The following ZNF585A variants were observed in gnomAD, a reference collection of about 807,000 sequenced individuals.
The protein encoded by ZNF585A is zinc finger protein 585A.
ZNF585A carries 9 observed loss-of-function variants against 14.9 expected under a neutral mutation model. The observed-to-expected ratio is 0.60, with a 90% CI of 0.36 to 1.05. ZNF585A has a LOEUF of 1.05. ZNF585A is among the 50% of genes least tolerant of loss of function. The probability of loss-of-function intolerance (pLI) is 0.01; values close to 1 mark genes in which losing one functional copy is unlikely to be tolerated. For synonymous variants in ZNF585A, 276 were observed against 319.9 expected (o/e 0.86, Z 1.46); for missense variants, 726 against 926.4 (o/e 0.78, Z 2.81).
In ZNF585A at chr19:37,150,924, G is replaced by C. The variant is rs550994821; in HGVS notation, c.*665C>G. Reference sequence around the variant, plus strand: ...GTGCTGAGGGCCCGTGAGGCTGAGAGACAGTCATGGTAGATAATGAGGGGG... The same window carrying C: ...GTGCTGAGGGCCCGTGAGGCTGAGACACAGTCATGGTAGATAATGAGGGGG... On this transcript the variant is annotated 3_prime_UTR_variant, in exon 5 of 5. Coordinates refer to ENST00000292841, the MANE Select transcript of ZNF585A (RefSeq NM_001288800.2). 6.4e-6 allele frequency: 1 copy of C among 156,118 alleles called. No individual in the cohort carries two copies. Among genetic ancestry groups the C allele is most frequent in the East Asian group, 1.9e-4 (1 of 5,216 alleles). 9.7% of individuals were successfully genotyped at this position (156,118 alleles called of 1,614,324 possible).
At chr19:37,172,371 A>G (rs1404696312) in intron 1 of ZNF585A, 1 of 152,212 alleles carries the variant, frequency 6.6e-6, no homozygotes, top group Non-Finnish European at 1.5e-5. Flanking sequence ...CAAGCTGATT[A>G]CAGTCCTCAC....
At chr19:37,154,158 A>T (rs1208107375) in intron 4 of ZNF585A, among the ~76,000 whole-genome samples, 1 of 152,252 alleles carries the variant, frequency 6.6e-6, no homozygotes, top group Non-Finnish European at 1.5e-5. Flanking sequence ...AGAGGAAGGC[A>T]GTAACAATGT....
rs143272721 is a variant in ZNF585A, at chr19:37,152,467, G to A, written c.1432C>T (p.Arg478Trp). Residue 478 changes from arginine to tryptophan, a missense_variant, in exon 5 of 5, where the codon CGG becomes TGG. Arg to Trp is a moderately radical substitution (Grantham distance 101, BLOSUM62 -3). Around this residue, in one of 2 missense-constraint regions of ZNF585A, gnomAD observed 243 missense variants for 383.6 expected, o/e 0.63. Coordinates refer to ENST00000292841, the MANE Select transcript of ZNF585A (RefSeq NM_001288800.2). ...CNKCGKAFTN[R>W]SNLITHQKTH... Reference sequence around the variant, plus strand: ...TTCTGATGTGTAATGAGATTTGACCGGTTGGTGAATGCCTTCCCACATTTA... The same window carrying A: ...TTCTGATGTGTAATGAGATTTGACCAGTTGGTGAATGCCTTCCCACATTTA... 258 of 1,613,806 alleles carry A rather than the reference G, an allele frequency of 1.6e-4. No individual in the cohort carries two copies. The African/African-American group carries it at 2.8e-3, about 17-fold the overall frequency.
intron 2 of ZNF585A, among the ~76,000 whole-genome samples, chr19:37,164,339 C>T: frequency 6.6e-6 from 1 of 151,724 alleles, no homozygotes; most frequent in East Asian, 1.9e-4. Flanking sequence ...GGAGGCGGAG[C>T]TTGCAGTGAG....
rs180800296 is a variant in ZNF585A at position 37,145,809 on chromosome 19, G to A, written c.*5780C>T. 6.6e-6 allele frequency: 1 copy of A among 152,286 alleles called. No homozygotes were observed. Among genetic ancestry groups the A allele is most frequent in the East Asian group, 1.9e-4 (1 of 5,182 alleles). 9.4% of individuals were successfully genotyped at this position (152,286 alleles called of 1,614,324 possible). ...GTTTATATAATACAAACACCTGAAG[G>A]TGGCAGAAACTAGCAGAGACAGAGG... is the stretch of plus-strand genomic sequence containing the variant. On this transcript the variant is annotated 3_prime_UTR_variant, in exon 5 of 5. Transcript: ENST00000292841.
At position 37,147,636 on chromosome 19, in the gene ZNF585A, C is replaced by A. The variant is rs1971760163; in HGVS notation, c.*3953G>T. ...TAAAATACAAACTATTTTATTGTCA[C>A]AAGGAATATACAGTAATAAATATTA... On this transcript the variant is annotated 3_prime_UTR_variant, in exon 5 of 5. Transcript: ENST00000292841. 1 of 151,946 alleles carries A rather than the reference C, an allele frequency of 6.6e-6. No individual in the cohort carries two copies. The highest frequency in any genetic ancestry group is 1.5e-5 in the Non-Finnish European group (1 of 67,994). The allele number at this position is 151,946 out of a possible 1,614,324, so 9.4% of individuals were successfully genotyped here.
intron 2 of ZNF585A, among the ~76,000 whole-genome samples, chr19:37,166,118 A>G (rs574401153): frequency 1.3e-5 from 2 of 152,114 alleles, no homozygotes; most frequent in East Asian, 3.9e-4. Context: ...GGTTCAAGCC[A>G]TTCTCCTGCC....
Position 37,149,581 on chromosome 19 carries a change from T to C in ZNF585A, c.*2008A>G, listed in dbSNP as rs1259439871. ...CAAAAAAAGTCACTTCATTCTCCCA[T>C]AATCCCATTTTACAAGTGAGAAAAT... On this transcript the variant is annotated 3_prime_UTR_variant, in exon 5 of 5. Coordinates refer to ENST00000292841, the MANE Select transcript of ZNF585A (RefSeq NM_001288800.2). The C allele has an allele frequency of 1.3e-5, 2 of 152,154 alleles. No individual in the cohort carries two copies. The highest frequency in any genetic ancestry group is 1.9e-4 in the East Asian group (1 of 5,182). The allele number at this position is 152,154 out of a possible 1,614,324, so 9.4% of individuals were successfully genotyped here. A position where few individuals can be genotyped will look rare whatever the true frequency, so the allele number is the denominator to read the frequency against.
At chr19:37,172,207 C>T (rs886776665) in intron 1 of ZNF585A, among the ~76,000 whole-genome samples, 9 of 152,122 alleles carry the variant, frequency 5.9e-5, no homozygotes, top group Admixed American at 2.0e-4. Flanking sequence ...ACAGACATTA[C>T]TTTAAAAAGG....
intron 2 of ZNF585A, among the ~76,000 whole-genome samples, chr19:37,158,666 C>T (rs1599750852): frequency 6.6e-6 from 1 of 152,258 alleles, no homozygotes; most frequent in East Asian, 1.9e-4. Context: ...TAGAGCCATA[C>T]TAACCAAAGG....
chr19:37,152,600 A>T lies in ZNF585A; in HGVS notation c.1299T>A (p.Thr433=), dbSNP rs1313885260. ...GACCACATTTATGAGGTTTCTCTCC[A>T]GTATGAATTATTTGATGTGCAATCA... ...AHLIAHQIIH[T]GEKPHKCGHC... The change falls in exon 5 of 5, where the codon ACT becomes ACA. Residue 433 remains threonine (T), a synonymous_variant. Transcript: ENST00000292841. The T allele has an allele frequency of 6.2e-7, 1 of 1,614,204 alleles. No individual in the cohort carries two copies. The highest frequency in any genetic ancestry group is 8.5e-7 in the Non-Finnish European group (1 of 1,180,040).
intron 2 of ZNF585A, 35 bp from the exon 3 acceptor site, chr19:37,156,390 C>T (rs557348633): frequency 9.3e-6 from 15 of 1,613,352 alleles, no homozygotes; most frequent in African/African-American, 5.3e-5. Context: ...TGTGCACAGT[C>T]AGCTTAGAGG....
At chr19:37,156,955 G>C (rs1371602337) in intron 2 of ZNF585A, among the ~76,000 whole-genome samples, 1 of 152,226 alleles carries the variant, frequency 6.6e-6, no homozygotes, top group Non-Finnish European at 1.5e-5. Context: ...GCCTCCCAAA[G>C]TGCTGGGATT....
intron 2 of ZNF585A, among the ~76,000 whole-genome samples, chr19:37,157,278 T>C (rs1971946578): frequency 6.6e-6 from 1 of 152,202 alleles, no homozygotes; most frequent in Admixed American, 6.6e-5. Context: ...AACTGGCAAT[T>C]GAAATAAGCT....
intron 2 of ZNF585A, among the ~76,000 whole-genome samples, chr19:37,159,248 CAA>C (rs768272181): frequency 4.9e-4 from 34 of 69,350 alleles, no homozygotes; most frequent in Admixed American, 3.6e-4. Context: ...GACTCCATCT[CAA>C]AAAAAAAAAA....
chr19:37,150,289 G>A lies in ZNF585A; in HGVS notation c.*1300C>T, dbSNP rs576016086. ...AGTTAGATACTGCTAGGTGAGTAAC[G>A]GGAGATAATTGTTCATCATCGTGAG... On this transcript the variant is annotated 3_prime_UTR_variant, in exon 5 of 5. Coordinates refer to ENST00000292841, the MANE Select transcript of ZNF585A (RefSeq NM_001288800.2). 15 of 152,184 alleles carry A rather than the reference G, an allele frequency of 9.9e-5. No individual in the cohort carries two copies. Among genetic ancestry groups the A allele is most frequent in the African/African-American group, 3.6e-4 (15 of 41,502 alleles). 9.4% of individuals were successfully genotyped at this position (152,184 alleles called of 1,614,324 possible). A position where few individuals can be genotyped will look rare whatever the true frequency, so the allele number is the denominator to read the frequency against.
chr19:37,158,267 A>G (rs930656139), intron 2 of ZNF585A, among the ~76,000 whole-genome samples: 11 of 152,200 alleles, frequency 7.2e-5, no homozygotes, highest in Non-Finnish European at 1.6e-4. Context: ...TATAACTACT[A>G]ATGAAATAAC....
intron 2 of ZNF585A, among the ~76,000 whole-genome samples, chr19:37,160,744 T>G (rs1364738354): frequency 6.6e-6 from 1 of 152,110 alleles, no homozygotes; most frequent in African/African-American, 2.4e-5. Context: ...ACTCAAACCT[T>G]TGAAAATGGA....
rs370652557 is a variant in ZNF585A at position 37,164,284 on chromosome 19, TC to T, written c.72+5554del. Among the ~76,000 whole-genome samples the T allele has an allele frequency of 1.3e-3, 205 of 152,086 alleles. 1 individual carries two copies. The highest frequency in any genetic ancestry group is 4.8e-3 in the African/African-American group (200 of 41,480). On this transcript the variant is annotated intron_variant, in intron 2 of 4. Coordinates refer to ENST00000292841, the MANE Select transcript of ZNF585A (RefSeq NM_001288800.2). ...AGGGCGTGGTGGCGGGCGCCTGTAG[TC>T]CCAGCTACTCGGGAGGCTGAGGCAG...
Sources: gnomAD v4.1 joint callset for allele counts (sites outside exome capture counted in the v4.1 genomes callset) on GRCh38, gnomAD v4.1.1 for gene constraint, gnomAD v4.1.1 regional missense constraint, MANE v1.5 for transcripts, NCBI Gene and HGNC (gene_info 2026-07-23, HGNC 2026-07-21) for gene names.